The following PCGF5 variants were observed in gnomAD, a reference collection of about 807,000 sequenced individuals.
The protein encoded by PCGF5 is polycomb group RING finger protein 5.
In PCGF5, 9 loss-of-function variants were observed where a neutral mutation model predicts 44.3. That is an observed-to-expected ratio of 0.20 (90% confidence interval 0.12 to 0.35). The LOEUF is 0.35. Ranked by LOEUF, PCGF5 falls within the 10% of genes least tolerant of loss-of-function variation. The pLI is 1.00. For synonymous variants in PCGF5, 95 were observed against 102.5 expected (o/e 0.93, Z 0.44); for missense variants, 146 against 305.3 (o/e 0.48, Z 3.89).
At chr10:91,208,317 G>A (rs1170437924) in intron 1 of PCGF5, among the ~76,000 whole-genome samples, 1 of 152,086 alleles carries the variant, frequency 6.6e-6, no homozygotes, top group Non-Finnish European at 1.5e-5. Context: ...TCATTTTGAT[G>A]CTCAGATTGT....
At chr10:91,227,890 C>G (rs541214769) in intron 2 of PCGF5, 2 of 983,628 alleles carry the variant, frequency 2.0e-6, no homozygotes, top group South Asian at 4.7e-5. Flanking sequence ...AAGATGTGCC[C>G]TACCACCTGC....
At chr10:91,196,789 C>T (rs1844142469) in intron 1 of PCGF5, among the ~76,000 whole-genome samples, 1 of 152,100 alleles carries the variant, frequency 6.6e-6, no homozygotes, top group South Asian at 2.1e-4. Flanking sequence ...TTGTTGAATA[C>T]CTGGTTATCA....
chr10:91,196,870 A>T (rs951920380), intron 1 of PCGF5, among the ~76,000 whole-genome samples: 4 of 152,114 alleles, frequency 2.6e-5, no homozygotes. Flanking sequence ...CACTTACTAG[A>T]TGAGGAACTG....
At position 91,260,396 on chromosome 10, in the gene PCGF5, A is replaced by G. The variant is rs184000349; in HGVS notation, c.475-930A>G. ...ACTAGTTCAACCATTGTGGAAGTCG[A>G]TGTGGCGATTCTTCAGGGATCTAGA... On this transcript the variant is annotated intron_variant, in intron 6 of 9. Coordinates refer to ENST00000336126, the MANE Select transcript of PCGF5 (RefSeq NM_032373.5). 2.0e-5 allele frequency among the ~76,000 whole-genome samples: 3 copies of G among 152,198 alleles called. No homozygotes were observed. In the East Asian group the frequency reaches 5.8e-4, roughly 29 times the overall value.
upstream of PCGF5, among the ~76,000 whole-genome samples, chr10:91,159,475 C>A (rs890608047): frequency 6.6e-6 from 1 of 152,056 alleles, no homozygotes; most frequent in African/African-American, 2.4e-5. Flanking sequence ...CAGAGAGCTC[C>A]GAGGCTCAGT....
intron 1 of PCGF5, among the ~76,000 whole-genome samples, chr10:91,213,666 A>G (rs184776286): frequency 2.2e-5 from 3 of 135,510 alleles, no homozygotes; most frequent in African/African-American, 8.2e-5. Context: ...TTGTATTTTT[A>G]GTAGAGATGG....
chr10:91,212,233 G>T (rs1844466602), intron 1 of PCGF5, among the ~76,000 whole-genome samples: 1 of 152,186 alleles, frequency 6.6e-6, no homozygotes, highest in African/African-American at 2.4e-5. Context: ...TTGTAGAGTT[G>T]CTTTTTGCCT....
At chr10:91,255,550 C>A (rs890078615) in intron 6 of PCGF5, among the ~76,000 whole-genome samples, 1 of 152,070 alleles carries the variant, frequency 6.6e-6, no homozygotes, top group Admixed American at 6.6e-5. Context: ...AAAGACTGAG[C>A]AACTTAATGG....
chr10:91,179,980 T>A (rs1441353875), intron 1 of PCGF5, among the ~76,000 whole-genome samples: 1 of 152,180 alleles, frequency 6.6e-6, no homozygotes, highest in Non-Finnish European at 1.5e-5. Context: ...TATATAACAT[T>A]TCTTTTTTTC....
intron 2 of PCGF5, among the ~76,000 whole-genome samples, chr10:91,226,569 A>G (rs184033189): frequency 1.3e-3 from 203 of 152,292 alleles, no homozygotes; most frequent in African/African-American, 4.7e-3. Flanking sequence ...CTTCTTTCAG[A>G]TGACTATGCA....
chr10:91,175,918 T>C (rs1218489943), intron 1 of PCGF5, among the ~76,000 whole-genome samples: 2 of 152,160 alleles, frequency 1.3e-5, no homozygotes, highest in Non-Finnish European at 2.9e-5. Context: ...ACATTTAAGG[T>C]TAATATTGTT....
At position 91,222,715 on chromosome 10, in the gene PCGF5, G is replaced by A. The variant is rs1269851069; in HGVS notation, c.-157G>A. On this transcript the variant is annotated 5_prime_UTR_variant, in exon 2 of 10. Coordinates refer to ENST00000336126, the MANE Select transcript of PCGF5 (RefSeq NM_032373.5). Reference sequence around the variant, plus strand: ...CATGGGAAAGCGGAACCACCAAAAGGAGTGATGATCAACGATCTCATGATA... The same window carrying A: ...CATGGGAAAGCGGAACCACCAAAAGAAGTGATGATCAACGATCTCATGATA... 9 of 521,084 alleles carry A rather than the reference G, an allele frequency of 1.7e-5. No individual in the cohort carries two copies. The highest frequency in any genetic ancestry group is 3.0e-4 in the Middle Eastern group (1 of 3,350). 32.3% of individuals were successfully genotyped at this position (521,084 alleles called of 1,614,324 possible).
intron 2 of PCGF5, among the ~76,000 whole-genome samples, chr10:91,234,952 A>G (rs1359127893): frequency 2.0e-5 from 3 of 152,332 alleles, no homozygotes; most frequent in East Asian, 1.9e-4. Flanking sequence ...TACATTGATC[A>G]CAAATTCTTT....
At chr10:91,254,326 C>G (rs1347256504) in intron 6 of PCGF5, among the ~76,000 whole-genome samples, 2 of 151,838 alleles carry the variant, frequency 1.3e-5, no homozygotes, top group Non-Finnish European at 2.9e-5. Context: ...AACAACCCTT[C>G]CTTTTTGGCG....
At chr10:91,241,087 ATT>A in intron 3 of PCGF5, among the ~76,000 whole-genome samples, 1 of 149,868 alleles carries the variant, frequency 6.7e-6, no homozygotes, top group Non-Finnish European at 1.5e-5. Context: ...TTATTTATTT[ATT>A]TTGAGGTGGA....
At chr10:91,232,447 A>G (rs941128762) in intron 2 of PCGF5, among the ~76,000 whole-genome samples, 2 of 152,236 alleles carry the variant, frequency 1.3e-5, no homozygotes, top group Non-Finnish European at 2.9e-5. Context: ...TGCAAAAGAA[A>G]GCAAATAAAT....
chr10:91,183,766 A>G (rs1184440462), intron 1 of PCGF5, among the ~76,000 whole-genome samples: 3 of 152,178 alleles, frequency 2.0e-5, no homozygotes, highest in Non-Finnish European at 2.9e-5. Context: ...TCTGGTGGTA[A>G]TGAATTCCCT....
At chr10:91,233,228 G>T (rs1012944131) in intron 2 of PCGF5, among the ~76,000 whole-genome samples, 3 of 151,990 alleles carry the variant, frequency 2.0e-5, no homozygotes, top group Admixed American at 2.0e-4. Context: ...ATGACCTAGG[G>T]GTCCCACTCG....
chr10:91,234,068 A>G (rs987074307), intron 2 of PCGF5, among the ~76,000 whole-genome samples: 6 of 152,220 alleles, frequency 3.9e-5, no homozygotes, highest in African/African-American at 1.4e-4. Flanking sequence ...TGTGATACAT[A>G]AGAGACCTGG....
Sources: allele counts gnomAD v4.1 joint callset (sites outside exome capture counted in the v4.1 genomes callset), GRCh38; gene constraint gnomAD v4.1.1; transcripts MANE v1.5; gene names NCBI Gene and HGNC (gene_info 2026-07-23, HGNC 2026-07-21).